The following DYTN variants were observed in gnomAD, a reference collection of about 807,000 sequenced individuals.
DYTN encodes dystrotelin.
In DYTN, 75 loss-of-function variants were observed where a neutral mutation model predicts 69.6. The observed-to-expected ratio is 1.08, with a 90% CI of 0.89 to 1.31. The LOEUF (loss-of-function observed/expected upper bound fraction) is 1.31. Ranked by LOEUF, DYTN falls within the 50% of genes most tolerant of loss-of-function variation. The pLI, the probability that DYTN is intolerant of heterozygous loss-of-function variation, is 0.00. For missense variants in DYTN, 726 were observed against 688.4 expected (o/e 1.05, Z -0.61); for synonymous variants, 252 against 249.1 (o/e 1.01, Z -0.11).
At chr2:206,704,300 A>G (rs1184650955) in intron 5 of DYTN, among the ~76,000 whole-genome samples, 2 of 152,210 alleles carry the variant, frequency 1.3e-5, no homozygotes, top group African/African-American at 4.8e-5. Flanking sequence ...ATATTGAAAG[A>G]GGAGTAGTTT....
In DYTN at chr2:206,651,844, G is replaced by A. The variant is rs751165476; in HGVS notation, c.1711C>T (p.Gln571Ter). The A allele has an allele frequency of 2.5e-6, 4 of 1,613,582 alleles. No homozygotes were observed. Among genetic ancestry groups the A allele is most frequent in the Non-Finnish European group, 2.5e-6 (3 of 1,179,622 alleles). The change falls in exon 12 of 12, where the codon CAA (glutamine) becomes TAA (stop). Residue 571 changes from glutamine to a stop codon, truncating the protein, a stop_gained. Transcript: ENST00000452335. LOFTEE classifies it high-confidence loss of function. Reference sequence around the variant, plus strand: ...CACTTCAAATTGGGCAAGGCAATTTGATCAACAAGGGCAGAGAAGGCCCTG... The same window carrying A: ...CACTTCAAATTGGGCAAGGCAATTTAATCAACAAGGGCAGAGAAGGCCCTG... ...VCRAFSALVD[Q>*]IALPNLK
chr2:206,693,051 C>G (rs1007093845), intron 9 of DYTN, 124 bp downstream of exon 9: 2 of 1,357,820 alleles, frequency 1.5e-6, no homozygotes, highest in Non-Finnish European at 1.9e-6. Flanking sequence ...GAAGTCCAAC[C>G]CTCACCCCTC....
At chr2:206,665,643 A>G (rs1699562316) in intron 10 of DYTN, among the ~76,000 whole-genome samples, 1 of 151,792 alleles carries the variant, frequency 6.6e-6, no homozygotes, top group African/African-American at 2.4e-5. Context: ...ACTTTGCCCC[A>G]AAGTCTATTG....
intron 2 of DYTN, among the ~76,000 whole-genome samples, chr2:206,708,281 A>G (rs373850601): frequency 7.2e-5 from 11 of 152,338 alleles, no homozygotes; most frequent in African/African-American, 2.6e-4. Context: ...AGAGAGGATG[A>G]CAGACAAAAT....
At chr2:206,670,919 C>T (rs1280215499) in intron 9 of DYTN, among the ~76,000 whole-genome samples, 2 of 152,180 alleles carry the variant, frequency 1.3e-5, no homozygotes, top group Non-Finnish European at 2.9e-5. Context: ...TTACTTCTAC[C>T]ATACACCTTT....
intron 9 of DYTN, among the ~76,000 whole-genome samples, chr2:206,670,968 C>T (rs941869806): frequency 2.6e-5 from 4 of 152,132 alleles, no homozygotes; most frequent in African/African-American, 4.8e-5. Flanking sequence ...TTGCTACCTG[C>T]GTGTGCACTA....
chr2:206,683,339 C>CTTTTTTTTTTTT (rs10531348), intron 9 of DYTN, among the ~76,000 whole-genome samples: 3 of 111,932 alleles, frequency 2.7e-5, no homozygotes, highest in Non-Finnish European at 3.7e-5. Flanking sequence ...TTTACTTTTT[C>CTTTTTTTTTTTT]TTTTTTTTTT....
intron 9 of DYTN, among the ~76,000 whole-genome samples, chr2:206,668,446 C>T (rs1271831763): frequency 1.3e-5 from 2 of 152,190 alleles, no homozygotes; most frequent in East Asian, 3.8e-4. Context: ...ATATTGCCAG[C>T]AACTGGGAGC....
intron 5 of DYTN, among the ~76,000 whole-genome samples, chr2:206,701,704 C>A (rs1699979276): frequency 6.6e-6 from 1 of 152,122 alleles, no homozygotes; most frequent in African/African-American, 2.4e-5. Flanking sequence ...TTCTGGGAAT[C>A]TAATTGCAGC....
intron 4 of DYTN, among the ~76,000 whole-genome samples, chr2:206,705,382 G>A (rs1017298486): frequency 6.6e-6 from 1 of 152,232 alleles, no homozygotes; most frequent in African/African-American, 2.4e-5. Flanking sequence ...ACAGGCATGA[G>A]CCACCACGTC....
At chr2:206,706,050 A>G (rs1700022200) in intron 3 of DYTN, among the ~76,000 whole-genome samples, 177 bp from the exon 4 acceptor site, 1 of 152,226 alleles carries the variant, frequency 6.6e-6, no homozygotes, top group East Asian at 1.9e-4. Flanking sequence ...TTGAATTAAC[A>G]TATTTCACCA....
intron 11 of DYTN, among the ~76,000 whole-genome samples, chr2:206,660,767 T>A (rs1211849002): frequency 3.3e-5 from 5 of 152,198 alleles, no homozygotes; most frequent in Non-Finnish European, 7.3e-5. Context: ...AGATTATAAC[T>A]CCAACTCAAT....
At chr2:206,716,949 A>G (rs973381182) in intron 1 of DYTN, among the ~76,000 whole-genome samples, 1 of 152,116 alleles carries the variant, frequency 6.6e-6, no homozygotes, top group African/African-American at 2.4e-5. Flanking sequence ...GCTGTGATAC[A>G]GTGCAACATG....
chr2:206,669,888 C>T (rs1428892730), intron 9 of DYTN, among the ~76,000 whole-genome samples: 2 of 152,148 alleles, frequency 1.3e-5, no homozygotes, highest in Non-Finnish European at 2.9e-5. Flanking sequence ...GGAAGCATAT[C>T]TCATCATACA....
In DYTN at chr2:206,704,846, C is replaced by T. The variant is rs757081159; in HGVS notation, c.480G>A (p.Gln160=). The T allele has an allele frequency of 3.7e-6, 6 of 1,612,752 alleles. No homozygotes were observed. The East Asian group carries it at 8.9e-5, about 24-fold the overall frequency. The change falls in exon 5 of 12, where the codon CAG becomes CAA. Residue 160 remains glutamine, a synonymous_variant. Transcript: ENST00000452335. ...RVLRKLLTDL[Q]QIPTFVGESR... ...TTCTTAAGTATTAGGAATTTACCTG[C>T]TGTAGATCTGTTAGTAGTTTTCTCA... is the stretch of plus-strand genomic sequence containing the variant.
intron 11 of DYTN, among the ~76,000 whole-genome samples, chr2:206,656,419 C>T (rs1031053585): frequency 6.6e-6 from 1 of 151,974 alleles, no homozygotes; most frequent in Non-Finnish European, 1.5e-5. Context: ...GGGTCTTTTT[C>T]TTCAATCCAT....
intron 9 of DYTN, 39 bp downstream of exon 9, chr2:206,693,136 G>A: frequency 6.4e-7 from 1 of 1,567,628 alleles, no homozygotes; most frequent in African/African-American, 1.4e-5. Flanking sequence ...GCCCTTGGTG[G>A]CTGCTCTGTG....
At chr2:206,691,922 C>T (rs1032447156) in intron 9 of DYTN, among the ~76,000 whole-genome samples, 1 of 152,152 alleles carries the variant, frequency 6.6e-6, no homozygotes, top group Non-Finnish European at 1.5e-5. Context: ...CTGATTTAAA[C>T]TAATCTATTC....
intron 9 of DYTN, among the ~76,000 whole-genome samples, chr2:206,687,579 A>G (rs1699825133): frequency 6.6e-6 from 1 of 151,820 alleles, no homozygotes; most frequent in South Asian, 2.1e-4. Flanking sequence ...TTCCTTCATG[A>G]TTTTTTGTTT....
Sources: gnomAD v4.1 joint callset for allele counts (sites outside exome capture counted in the v4.1 genomes callset) on GRCh38, gnomAD v4.1.1 for gene constraint, MANE v1.5 for transcripts, NCBI Gene and HGNC (gene_info 2026-07-23, HGNC 2026-07-21) for gene names.